The following NREP variants were observed in gnomAD, a reference collection of about 807,000 sequenced individuals.
NREP encodes neuronal regeneration-related protein.
NREP carries 5 observed loss-of-function variants against 8.6 expected under a neutral mutation model. That is an observed-to-expected ratio of 0.58 (90% CI 0.30 to 1.22). The LOEUF (loss-of-function observed/expected upper bound fraction) is 1.22. Among genes scored for constraint, NREP ranks in the 50% most tolerant of loss-of-function variants. The pLI is 0.07. For missense variants in NREP, 86 were observed against 82.5 expected (o/e 1.04, Z -0.17); for synonymous variants, 27 against 28.0 (o/e 0.96, Z 0.11).
At chr5:111,858,856 C>A (rs1753483807) in intron 2 of NREP, among the ~76,000 whole-genome samples, 1 of 152,084 alleles carries the variant, frequency 6.6e-6, no homozygotes, top group South Asian at 2.1e-4. Context: ...GCATCAACCA[C>A]CAACAAGAAT....
intron 2 of NREP, among the ~76,000 whole-genome samples, chr5:111,961,162 G>A (rs1436720510): frequency 2.6e-5 from 4 of 152,150 alleles, no homozygotes; most frequent in African/African-American, 9.7e-5. Flanking sequence ...TAAGTAGTTA[G>A]GCCAGAACGA....
intron 2 of NREP, among the ~76,000 whole-genome samples, chr5:111,938,585 C>T (rs771330230): frequency 2.0e-5 from 3 of 151,984 alleles, no homozygotes; most frequent in Admixed American, 1.3e-4. Flanking sequence ...CATTTCAGAT[C>T]GGTCACTTAC....
intron 2 of NREP, among the ~76,000 whole-genome samples, chr5:111,935,378 GA>G (rs1755654819): frequency 6.6e-6 from 1 of 152,076 alleles, no homozygotes; most frequent in African/African-American, 2.4e-5. Context: ...CAGGCACAAA[GA>G]AACAGGAAAT....
chr5:111,838,298 A>G (rs968953408), intron 2 of NREP, among the ~76,000 whole-genome samples: 3 of 152,116 alleles, frequency 2.0e-5, no homozygotes, highest in African/African-American at 4.8e-5. Flanking sequence ...CAAGTGTTCA[A>G]AAGTTAGTGG....
chr5:111,840,056 T>C (rs1752989449), intron 2 of NREP, among the ~76,000 whole-genome samples: 1 of 152,094 alleles, frequency 6.6e-6, no homozygotes, highest in African/African-American at 2.4e-5. Context: ...AAATCATTGT[T>C]TAGTGATTTA....
At chr5:111,913,984 T>C (rs1207028317) in intron 2 of NREP, among the ~76,000 whole-genome samples, 2 of 152,160 alleles carry the variant, frequency 1.3e-5, no homozygotes, top group African/African-American at 2.4e-5. Context: ...CTTACGCATC[T>C]AAATGCAAAA....
At chr5:111,797,898 G>C (rs555082586) in intron 2 of NREP, among the ~76,000 whole-genome samples, 4 of 152,260 alleles carry the variant, frequency 2.6e-5, no homozygotes, top group Admixed American at 2.6e-4. Flanking sequence ...GTTTAGGTAA[G>C]GGGAGAACAA....
intron 2 of NREP, among the ~76,000 whole-genome samples, chr5:111,972,720 A>C (rs1561377665): frequency 6.6e-6 from 1 of 152,052 alleles, no homozygotes; most frequent in African/African-American, 2.4e-5. Context: ...CCACCAATCT[A>C]GACCCGAGTC....
At chr5:111,782,755 T>C (rs1751522260) in intron 2 of NREP, among the ~76,000 whole-genome samples, 1 of 151,944 alleles carries the variant, frequency 6.6e-6, no homozygotes, top group South Asian at 2.1e-4. Flanking sequence ...TCTTTTTTTT[T>C]TGACAGTCTC....
At chr5:111,790,421 G>C (rs1217133152) in intron 2 of NREP, among the ~76,000 whole-genome samples, 1 of 101,932 alleles carries the variant, frequency 9.8e-6, no homozygotes, top group African/African-American at 3.9e-5. Context: ...CTAGAGATTT[G>C]TCTTAGGAAA....
chr5:111,936,328 A>C (rs1047852887), intron 2 of NREP, among the ~76,000 whole-genome samples: 1 of 152,002 alleles, frequency 6.6e-6, no homozygotes, highest in African/African-American at 2.4e-5. Flanking sequence ...AGTGTGTGAC[A>C]GTTCCTCCTT....
intron 2 of NREP, among the ~76,000 whole-genome samples, chr5:111,820,589 A>G (rs1308981544): frequency 6.6e-6 from 1 of 152,184 alleles, no homozygotes; most frequent in Non-Finnish European, 1.5e-5. Flanking sequence ...TTTAATTGGA[A>G]AGAGACAAAA....
At chr5:111,785,915 A>G (rs1158926523) in intron 2 of NREP, among the ~76,000 whole-genome samples, 2 of 152,146 alleles carry the variant, frequency 1.3e-5, no homozygotes, top group Non-Finnish European at 2.9e-5. Context: ...GAGAGGGAAG[A>G]GGGTTGCAGA....
chr5:111,825,625 C>T (rs1752604760), intron 2 of NREP, among the ~76,000 whole-genome samples: 3 of 152,164 alleles, frequency 2.0e-5, no homozygotes. Context: ...GATGTGGATA[C>T]TGCGTAGTCA....
chr5:111,901,491 G>A (rs1754646154), intron 2 of NREP, among the ~76,000 whole-genome samples: 1 of 151,966 alleles, frequency 6.6e-6, no homozygotes, highest in South Asian at 2.1e-4. Flanking sequence ...CAGGCAAGAG[G>A]AAAAAATAAT....
intron 2 of NREP, among the ~76,000 whole-genome samples, chr5:111,885,265 C>T (rs1380339812): frequency 6.6e-6 from 1 of 150,982 alleles, no homozygotes; most frequent in Non-Finnish European, 1.5e-5. Context: ...ATCCAACTTA[C>T]AAGGGATGTG....
chr5:111,967,296 T>A (rs1279608413), intron 2 of NREP, among the ~76,000 whole-genome samples: 1 of 151,002 alleles, frequency 6.6e-6, no homozygotes, highest in African/African-American at 2.4e-5. Context: ...TTCTTTATAT[T>A]TTTTTCTTTG....
At chr5:111,958,120 T>C (rs1011382051) in intron 2 of NREP, among the ~76,000 whole-genome samples, 1 of 151,958 alleles carries the variant, frequency 6.6e-6, no homozygotes, top group Non-Finnish European at 1.5e-5. Context: ...TTTTTCATTA[T>C]ATCATAAAAT....
intron 2 of NREP, among the ~76,000 whole-genome samples, chr5:111,810,947 A>C (rs956898748): frequency 6.6e-6 from 1 of 152,198 alleles, no homozygotes. Flanking sequence ...TCTGGTCAAT[A>C]CTCTGCAAAT....
Sources: gnomAD v4.1 joint callset for allele counts (sites outside exome capture counted in the v4.1 genomes callset) on GRCh38, gnomAD v4.1.1 for gene constraint, MANE v1.5 for transcripts, NCBI Gene and HGNC (gene_info 2026-07-23, HGNC 2026-07-21) for gene names.